The following GRM8 variants were observed in gnomAD, a reference collection of about 807,000 sequenced individuals.
GRM8 encodes glutamate metabotropic receptor 8.
Under a neutral mutation model 87.2 loss-of-function variants are expected in GRM8, and 47 were observed. The observed-to-expected ratio is 0.54, with a 90% CI of 0.43 to 0.69. The LOEUF is 0.69. GRM8 is among the 30% of genes least tolerant of loss of function. GRM8 has a pLI of 0.00. For synonymous variants in GRM8, 396 were observed against 404.5 expected (o/e 0.98, Z 0.25); for missense variants, 1,019 against 1,139.2 (o/e 0.89, Z 1.52).
chr7:126,448,858 G>A (rs1176836802), intron 9 of GRM8, among the ~76,000 whole-genome samples: 1 of 151,766 alleles, frequency 6.6e-6, no homozygotes, highest in African/African-American at 2.4e-5. Context: ...AGACATAGAG[G>A]GGAACAACAC....
intron 2 of GRM8, among the ~76,000 whole-genome samples, chr7:127,206,091 C>T (rs565598851): frequency 6.6e-5 from 10 of 152,266 alleles, no homozygotes; most frequent in African/African-American, 2.2e-4. Flanking sequence ...TTGAACTATT[C>T]AATTTTATTT....
chr7:126,944,280 A>C (rs1414402375), intron 3 of GRM8, among the ~76,000 whole-genome samples: 2 of 151,642 alleles, frequency 1.3e-5, no homozygotes, highest in Admixed American at 1.3e-4. Context: ...GCCATGAATA[A>C]ATACAGAAGT....
intron 2 of GRM8, among the ~76,000 whole-genome samples, chr7:127,161,480 C>A (rs1452761798): frequency 2.0e-5 from 3 of 152,196 alleles, no homozygotes. Flanking sequence ...GACACTCAGT[C>A]TCAGTCAGCT....
chr7:126,727,739 A>G (rs370249792), intron 7 of GRM8, among the ~76,000 whole-genome samples: 16 of 145,498 alleles, frequency 1.1e-4, no homozygotes, highest in Admixed American at 4.2e-4. Context: ...ACACACACAC[A>G]CCCCTAAAAA....
chr7:127,107,883 A>G (rs1422772309), intron 2 of GRM8, among the ~76,000 whole-genome samples: 1 of 152,192 alleles, frequency 6.6e-6, no homozygotes, highest in African/African-American at 2.4e-5. Context: ...AAAACGTAAA[A>G]GTCATCCCGG....
chr7:126,509,757 T>C (rs907362355), intron 9 of GRM8, among the ~76,000 whole-genome samples: 2 of 152,046 alleles, frequency 1.3e-5, no homozygotes. Flanking sequence ...CAGTTCATCA[T>C]GATACCTAGA....
At chr7:126,471,691 T>C (rs1370399149) in intron 9 of GRM8, among the ~76,000 whole-genome samples, 1 of 151,864 alleles carries the variant, frequency 6.6e-6, no homozygotes, top group African/African-American at 2.4e-5. Context: ...TTTGGTTCCA[T>C]ATGAACTTTA....
chr7:126,516,592 G>A (rs1042743392), intron 9 of GRM8, among the ~76,000 whole-genome samples: 3 of 152,068 alleles, frequency 2.0e-5, no homozygotes, highest in African/African-American at 7.2e-5. Flanking sequence ...CTGACAGAAA[G>A]TATGCTTCCA....
At position 126,548,664 on chromosome 7, in the gene GRM8, C is replaced by G. The variant is rs1817442805; in HGVS notation, c.1495-14777G>C. Among the ~76,000 whole-genome samples the G allele has an allele frequency of 2.0e-5, 3 of 152,062 alleles. No individual in the cohort carries two copies. In the South Asian group the frequency reaches 6.2e-4, roughly 32 times the overall value. On this transcript the variant is annotated intron_variant, in intron 8 of 10. Coordinates refer to ENST00000339582, the MANE Select transcript of GRM8 (RefSeq NM_000845.3). ...AAAATAGATATAAAGGAGATAATTCCTCATTTCCTATGGTGAGAAGTCAAT... is the reference window on the plus strand; with the variant it reads ...AAAATAGATATAAAGGAGATAATTCGTCATTTCCTATGGTGAGAAGTCAAT...
At chr7:126,507,939 T>C (rs1417030967) in intron 9 of GRM8, among the ~76,000 whole-genome samples, 1 of 151,942 alleles carries the variant, frequency 6.6e-6, no homozygotes, top group Non-Finnish European at 1.5e-5. Context: ...GTTCTCTCTC[T>C]CCCCATCCCC....
At chr7:127,114,322 A>T (rs1353978356) in intron 2 of GRM8, among the ~76,000 whole-genome samples, 2 of 152,182 alleles carry the variant, frequency 1.3e-5, no homozygotes, top group Non-Finnish European at 2.9e-5. Flanking sequence ...TGGGGAAATC[A>T]TGGGGTCAAG....
At chr7:126,921,090 C>T (rs1804480536) in intron 3 of GRM8, among the ~76,000 whole-genome samples, 1 of 151,948 alleles carries the variant, frequency 6.6e-6, no homozygotes, top group African/African-American at 2.4e-5. Context: ...AGTCAGGAAC[C>T]AAAGCAAACA....
chr7:126,593,534 C>G (rs1207868726), intron 8 of GRM8, among the ~76,000 whole-genome samples: 1 of 151,978 alleles, frequency 6.6e-6, no homozygotes, highest in Non-Finnish European at 1.5e-5. Context: ...GTTGGGAAAA[C>G]TGGATATCTA....
chr7:126,752,857 C>T (rs1816581824), intron 7 of GRM8, among the ~76,000 whole-genome samples: 1 of 152,024 alleles, frequency 6.6e-6, no homozygotes, highest in African/African-American at 2.4e-5. Context: ...CCTAATTAGT[C>T]CCACTCTCCT....
chr7:127,229,313 A>G (rs1797538220), intron 2 of GRM8: 1 of 152,232 alleles, frequency 6.6e-6, no homozygotes. Context: ...GCATTCGGTA[A>G]AGGAGTGGTG....
Position 126,585,334 on chromosome 7 carries a change from C to T in GRM8, c.1494+24028G>A, listed in dbSNP as rs545494938. ...GTATTAGTGAGAATTAAAAACACAT[C>T]TCCTAATTTCCAGTTATGCTTTTCG... is the stretch of plus-strand genomic sequence containing the variant. On this transcript the variant is annotated intron_variant, in intron 8 of 10. Coordinates refer to ENST00000339582, the MANE Select transcript of GRM8 (RefSeq NM_000845.3). 2.6e-5 allele frequency among the ~76,000 whole-genome samples: 4 copies of T among 152,262 alleles called. No individual in the cohort carries two copies. In the South Asian group the frequency reaches 8.3e-4, roughly 32 times the overall value.
chr7:126,883,842 T>C (rs1248827941), intron 6 of GRM8, among the ~76,000 whole-genome samples: 1 of 152,098 alleles, frequency 6.6e-6, no homozygotes, highest in Non-Finnish European at 1.5e-5. Flanking sequence ...GGTTTAGAGA[T>C]GGATGATACA....
chr7:126,851,945 C>A (rs559457915), intron 6 of GRM8, among the ~76,000 whole-genome samples: 22 of 152,136 alleles, frequency 1.4e-4, no homozygotes, highest in Non-Finnish European at 2.5e-4. Context: ...ATAAAGAGTA[C>A]TCAGTACGTA....
At chr7:127,127,890 T>C (rs1827460360) in intron 2 of GRM8, among the ~76,000 whole-genome samples, 1 of 152,092 alleles carries the variant, frequency 6.6e-6, no homozygotes, top group South Asian at 2.1e-4. Context: ...AATCTTGGTA[T>C]AATGTTTTCT....
Sources: gnomAD v4.1 joint callset for allele counts (sites outside exome capture counted in the v4.1 genomes callset) on GRCh38, gnomAD v4.1.1 for gene constraint, MANE v1.5 for transcripts, NCBI Gene and HGNC (gene_info 2026-07-23, HGNC 2026-07-21) for gene names.